Variants in SPPL3 observed in about 807,000 individuals in gnomAD.
SPPL3 encodes the protein signal peptide peptidase-like 3.
In SPPL3, 5 loss-of-function variants were observed where a neutral mutation model predicts 42.4. The ratio of observed to expected loss-of-function variants is 0.12; its 90% CI spans 0.06 to 0.25. SPPL3 has a LOEUF of 0.25. Among genes scored for constraint, SPPL3 ranks in the 10% least tolerant of loss-of-function variants. The pLI is 1.00. For missense variants in SPPL3, 235 were observed against 489.0 expected (o/e 0.48, Z 4.90); for synonymous variants, 195 against 181.8 (o/e 1.07, Z -0.58).
intron 1 of SPPL3, among the ~76,000 whole-genome samples, chr12:120,888,612 G>A (rs1873538138): frequency 6.6e-6 from 1 of 152,126 alleles, no homozygotes; most frequent in African/African-American, 2.4e-5. Context: ...ATCCGTAGAG[G>A]CCAAAAGCAG....
At chr12:120,903,728 C>T in intron 1 of SPPL3, 117 bp downstream of exon 1, 1 of 599,172 alleles carries the variant, frequency 1.7e-6, no homozygotes, top group Non-Finnish European at 2.6e-6. Flanking sequence ...GCACCCCAAC[C>T]CGCGCCCCCC....
chr12:120,842,334 C>G (rs1317362118), intron 1 of SPPL3, among the ~76,000 whole-genome samples: 1 of 152,092 alleles, frequency 6.6e-6, no homozygotes, highest in Non-Finnish European at 1.5e-5. Context: ...AAACTTGTTC[C>G]TTGACCTAAG....
Position 120,766,286 on chromosome 12 carries a change from G to C in SPPL3, c.1060C>G (p.Leu354Val). ...LYLVPFTLLP[L>V]LTMAYLKGDL... is the part of the protein sequence containing the mutation. ...ACCTTTAAATAGGCCATCGTGAGGA[G>C]TGGCAATAAAGTAAATGGCACCAAA... Residue 354 changes from leucine (L) to valine (V), a missense_variant, in exon 10 of 11, where the codon CTC (leucine) becomes GTC (valine). This residue lies in a region of SPPL3 where 38 missense variants were observed against 105.2 expected (regional missense o/e 0.36). Coordinates refer to ENST00000353487, the MANE Select transcript of SPPL3 (RefSeq NM_139015.5). 1 of 1,594,084 alleles carries C rather than the reference G, an allele frequency of 6.3e-7. No homozygotes were observed. The highest frequency in any genetic ancestry group is 8.5e-7 in the Non-Finnish European group (1 of 1,170,656).
chr12:120,805,155 G>A (rs1262668705), intron 2 of SPPL3, among the ~76,000 whole-genome samples: 1 of 152,178 alleles, frequency 6.6e-6, no homozygotes, highest in African/African-American at 2.4e-5. Flanking sequence ...GGATTACAGT[G>A]ACGGCTGAAC....
intron 1 of SPPL3, among the ~76,000 whole-genome samples, chr12:120,866,672 A>G (rs1872762993): frequency 6.6e-6 from 1 of 152,256 alleles, no homozygotes; most frequent in South Asian, 2.1e-4. Flanking sequence ...AAACAGTTAC[A>G]TACCACTTTC....
At chr12:120,900,968 A>C (rs1873965997) in intron 1 of SPPL3, among the ~76,000 whole-genome samples, 1 of 151,836 alleles carries the variant, frequency 6.6e-6, no homozygotes, top group Non-Finnish European at 1.5e-5. Context: ...TTGTTTGCAC[A>C]AGCCAAGGGA....
intron 9 of SPPL3, among the ~76,000 whole-genome samples, chr12:120,767,036 G>C (rs1287758308): frequency 1.3e-5 from 2 of 152,174 alleles, no homozygotes; most frequent in Non-Finnish European, 2.9e-5. Flanking sequence ...CAGAAATGTA[G>C]AACTAATGAA....
intron 1 of SPPL3, among the ~76,000 whole-genome samples, chr12:120,842,947 TGGA>T (rs1213997863): frequency 1.3e-5 from 2 of 152,186 alleles, no homozygotes; most frequent in East Asian, 3.8e-4. Flanking sequence ...ACTTAGAAAC[TGGA>T]GGAGGCAGTA....
chr12:120,785,850 G>A (rs1237496575), intron 3 of SPPL3, among the ~76,000 whole-genome samples: 2 of 145,700 alleles, frequency 1.4e-5, no homozygotes, highest in Non-Finnish European at 3.0e-5. Context: ...GTTATCTTGA[G>A]CCTGTAGTTC....
intron 3 of SPPL3, among the ~76,000 whole-genome samples, chr12:120,785,441 G>C (rs4767937): frequency 0.41 from 62,311 of 151,684 alleles, 14,371 homozygotes; most frequent in Middle Eastern, 0.57. Flanking sequence ...GAAATCACAG[G>C]AGTTAGGCCC....
In SPPL3 at chr12:120,812,919, T is replaced by C. The variant is rs552806960; in HGVS notation, c.24-2033A>G. The stretch of plus-strand genomic sequence containing the variant: ...AATACTCAATTCACACTCACTGCAT[T>C]AGGAGGGAGACGTTGCCAACCATGA... On this transcript the variant is annotated intron_variant, in intron 1 of 10. Coordinates refer to ENST00000353487, the MANE Select transcript of SPPL3 (RefSeq NM_139015.5). Among the ~76,000 whole-genome samples the C allele has an allele frequency of 8.1e-4, 123 of 152,232 alleles. No individual in the cohort carries two copies. The South Asian group carries it at 0.025, about 31-fold the overall frequency.
intron 1 of SPPL3, among the ~76,000 whole-genome samples, chr12:120,855,962 C>T (rs1872442401): frequency 6.6e-6 from 1 of 152,048 alleles, no homozygotes; most frequent in African/African-American, 2.4e-5. Context: ...GGGAGTGAAT[C>T]GTGATTAATG....
chr12:120,845,209 CA>C, intron 1 of SPPL3: 1 of 448,444 alleles, frequency 2.2e-6, no homozygotes, highest in Non-Finnish European at 4.5e-6. Context: ...GTTCATGTGG[CA>C]AAGGGAGTGC....
intron 3 of SPPL3, among the ~76,000 whole-genome samples, chr12:120,788,814 C>T (rs138325024): frequency 6.6e-6 from 1 of 152,250 alleles, no homozygotes; most frequent in African/African-American, 2.4e-5. Context: ...TTCTCAAAAC[C>T]TTCTCCCCAG....
At chr12:120,796,761 A>C (rs1424846389) in intron 2 of SPPL3, among the ~76,000 whole-genome samples, 1 of 152,218 alleles carries the variant, frequency 6.6e-6, no homozygotes. Flanking sequence ...ATCCAATGCC[A>C]AATGAATTGT....
Position 120,762,512 on chromosome 12 carries a change from C to T in SPPL3, c.*2487G>A, listed in dbSNP as rs751996753. ...AGAAGTGAGAATGACAAAATAACGA[C>T]GTTCCTTCTGTCTGGAATTTAATTT... On this transcript the variant is annotated 3_prime_UTR_variant, in exon 11 of 11. Coordinates refer to ENST00000353487, the MANE Select transcript of SPPL3 (RefSeq NM_139015.5). The T allele has an allele frequency of 6.6e-6, 1 of 152,046 alleles. No homozygotes were observed. The highest frequency in any genetic ancestry group is 1.5e-5 in the Non-Finnish European group (1 of 68,020). The allele number at this position is 152,046 out of a possible 1,614,324, so 9.4% of individuals were successfully genotyped here.
At chr12:120,833,362 A>T (rs1021864928) in intron 1 of SPPL3, among the ~76,000 whole-genome samples, 1 of 152,178 alleles carries the variant, frequency 6.6e-6, no homozygotes. Flanking sequence ...TAAAAAGGAG[A>T]CAGCCTCGAT....
At chr12:120,840,541 T>C (rs995288844) in intron 1 of SPPL3, among the ~76,000 whole-genome samples, 18 of 151,936 alleles carry the variant, frequency 1.2e-4, no homozygotes, top group African/African-American at 3.9e-4. Flanking sequence ...GTGATGATGA[T>C]TGCACAACTA....
intron 1 of SPPL3, among the ~76,000 whole-genome samples, chr12:120,812,188 G>A (rs1224683524): frequency 1.3e-5 from 2 of 151,208 alleles, no homozygotes; most frequent in Non-Finnish European, 2.9e-5. Context: ...AGTCTGGAGT[G>A]CAGTGGCATG....
Sources: gnomAD v4.1 joint callset for allele counts (sites outside exome capture counted in the v4.1 genomes callset) on GRCh38, gnomAD v4.1.1 for gene constraint, gnomAD v4.1.1 regional missense constraint, MANE v1.5 for transcripts, NCBI Gene and HGNC (gene_info 2026-07-23, HGNC 2026-07-21) for gene names.